The following DCAF6 variants were observed in gnomAD, a reference collection of about 807,000 sequenced individuals.
DCAF6 encodes the protein DDB1 and CUL4 associated factor 6.
Under a neutral mutation model 125.1 loss-of-function variants are expected in DCAF6, and 54 were observed. The ratio of observed to expected loss-of-function variants is 0.43; its 90% confidence interval spans 0.35 to 0.54. The LOEUF (loss-of-function observed/expected upper bound fraction) is 0.54, where lower values mean the gene tolerates loss of function less well. Among genes scored for constraint, DCAF6 ranks in the 20% least tolerant of loss-of-function variants. DCAF6 has a pLI of 0.01. For synonymous variants in DCAF6, 371 were observed against 390.4 expected (o/e 0.95, Z 0.58); for missense variants, 934 against 1,161.7 (o/e 0.80, Z 2.85).
At position 167,974,937 on chromosome 1, in the gene DCAF6, AT is replaced by A; in HGVS notation, c.364del (p.Tyr122IlefsTer27). 6.2e-7 allele frequency: 1 copy of A among 1,609,956 alleles called. No individual in the cohort carries two copies. Among genetic ancestry groups the A allele is most frequent in the Non-Finnish European group, 8.5e-7 (1 of 1,178,076 alleles). On this transcript the variant is annotated frameshift_variant, in exon 4 of 22. Coordinates refer to ENST00000367840, the MANE Select transcript of DCAF6 (RefSeq NM_001198956.2). LOFTEE classifies it high-confidence loss of function. ...TATCCTGCTCTGGAGATGGAGTAATATTTTATACCAACGTTGAGCAAGATGC... is the reference window on the plus strand; with the variant it reads ...TATCCTGCTCTGGAGATGGAGTAATATTTATACCAACGTTGAGCAAGATGC... ...IVSCSGDGVI[F>X]YTNVEQDAET...
intron 10 of DCAF6, among the ~76,000 whole-genome samples, chr1:168,011,302 G>C (rs912565681): frequency 2.0e-5 from 3 of 151,840 alleles, no homozygotes; most frequent in Non-Finnish European, 4.4e-5. Context: ...TATTTTAGTG[G>C]AGATGGGATT....
chr1:168,004,351 A>T (rs1003984049), intron 9 of DCAF6, among the ~76,000 whole-genome samples, 182 bp from the exon 10 acceptor site: 4 of 152,150 alleles, frequency 2.6e-5, no homozygotes, highest in African/African-American at 9.7e-5. Context: ...TGTTGTAGAT[A>T]AGTTTTTATC....
At chr1:167,993,688 G>T (rs1681209905) in intron 7 of DCAF6, among the ~76,000 whole-genome samples, 1 of 152,110 alleles carries the variant, frequency 6.6e-6, no homozygotes, top group African/African-American at 2.4e-5. Flanking sequence ...GGCGGAGGTT[G>T]TGGTGAGCCG....
intron 12 of DCAF6, among the ~76,000 whole-genome samples, chr1:168,034,792 CAT>C (rs765027560): frequency 2.9e-4 from 44 of 152,182 alleles, no homozygotes; most frequent in Non-Finnish European, 5.6e-4. Context: ...TTTTAAGTAA[CAT>C]ATCTGTGCAT....
At chr1:168,025,879 C>A (rs535360191) in intron 12 of DCAF6, among the ~76,000 whole-genome samples, 1 of 152,198 alleles carries the variant, frequency 6.6e-6, no homozygotes, top group South Asian at 2.1e-4. Flanking sequence ...GCTTACAAAA[C>A]CTACATGACT....
chr1:167,984,754 CTTATTATTCTGTGTTCATTGCAA>C, intron 4 of DCAF6, among the ~76,000 whole-genome samples: 1 of 152,136 alleles, frequency 6.6e-6, no homozygotes, highest in East Asian at 1.9e-4. Context: ...GGGTATAAAT[CTTATTATTCTGTGTTCATTGCAA>C]AATTGGTTCA....
chr1:168,056,028 C>T, intron 17 of DCAF6: 2 of 1,596,472 alleles, frequency 1.3e-6, no homozygotes, highest in African/African-American at 1.4e-5. Flanking sequence ...GTTTACAAGT[C>T]CTGGATTTTC....
chr1:168,064,802 A>T (rs1189297753), intron 18 of DCAF6, among the ~76,000 whole-genome samples: 1 of 152,184 alleles, frequency 6.6e-6, no homozygotes, highest in East Asian at 1.9e-4. Flanking sequence ...AAATTTTTTA[A>T]AATCCTTGTT....
intron 16 of DCAF6, among the ~76,000 whole-genome samples, chr1:168,049,187 A>T (rs1225386450): frequency 6.6e-6 from 1 of 152,190 alleles, no homozygotes. Context: ...AAAGCAAAAC[A>T]AAGCAAAAAA....
In DCAF6 at chr1:168,001,676, T is replaced by C. The variant is rs2103068512; in HGVS notation, c.904-806T>C. 3.3e-5 allele frequency among the ~76,000 whole-genome samples: 5 copies of C among 152,244 alleles called. 1 individual carries two copies. The highest frequency in any genetic ancestry group is 3.3e-4 in the Admixed American group (5 of 15,282). ...TTAAAAATGATAAGAACCTTTAGCA[T>C]GCTGTGGCAAAGAGCCAAGAGAGAG... On this transcript the variant is annotated intron_variant, in intron 7 of 21. Transcript: ENST00000367840.
the DCAF6 span, among the ~76,000 whole-genome samples, chr1:167,891,246 C>T: frequency 6.6e-6 from 1 of 152,142 alleles, no homozygotes; most frequent in Non-Finnish European, 1.5e-5. Flanking sequence ...AGGCGTGAGC[C>T]ATCACGCTTG....
intron 13 of DCAF6, 164 bp from the exon 14 acceptor site, chr1:168,042,861 C>T: frequency 1.9e-6 from 1 of 519,014 alleles, no homozygotes. Flanking sequence ...TGATAGTCAT[C>T]TTGATTTGTT....
Position 168,004,782 on chromosome 1 carries a change from A to G in DCAF6, c.1367A>G (p.His456Arg), listed in dbSNP as rs1401216253. The G allele has an allele frequency of 1.2e-6, 2 of 1,613,866 alleles. No individual in the cohort carries two copies. Among genetic ancestry groups the G allele is most frequent in the Admixed American group, 1.7e-5 (1 of 59,988 alleles). ...QSVEASGHHT[H>R]HQSEFLRGPE... ...GTTGAGGCATCTGGACACCACACAC[A>G]TCATCAGTCTGGTGAGGATAAGTAT... The change falls in exon 10 of 22, where the codon CAT becomes CGT. Residue 456 changes from histidine to arginine, a missense_variant. His to Arg is a conservative substitution (Grantham distance 29). Around this residue, in one of 5 missense-constraint regions of DCAF6, gnomAD observed 559 missense variants for 635.5 expected, o/e 0.88. Transcript: ENST00000367840.
chr1:167,903,072 T>C, the DCAF6 span, among the ~76,000 whole-genome samples: 2 of 151,618 alleles, frequency 1.3e-5, no homozygotes, highest in African/African-American at 4.9e-5. Flanking sequence ...CTGGCCAACA[T>C]GGTAAAACCC....
At chr1:168,013,897 G>A (rs1684622133) in intron 10 of DCAF6, among the ~76,000 whole-genome samples, 1 of 151,926 alleles carries the variant, frequency 6.6e-6, no homozygotes, top group African/African-American at 2.4e-5. Context: ...GCATCACCAT[G>A]CCTGGCTAAT....
chr1:168,049,646 ATTTTTTTTTTTTT>A (rs756012977), intron 16 of DCAF6, among the ~76,000 whole-genome samples: 6 of 90,302 alleles, frequency 6.6e-5, no homozygotes, highest in South Asian at 6.6e-4. Flanking sequence ...TCTGCATATA[ATTTTTTTTTTTTT>A]TTTTTTTTTT....
At chr1:167,902,202 C>CA in the DCAF6 span, 1 of 818,068 alleles carries the variant, frequency 1.2e-6, no homozygotes, top group Admixed American at 2.3e-5. Flanking sequence ...CCAGACAAGC[C>CA]ACTTAACCCA....
At chr1:168,066,490 T>C in intron 20 of DCAF6, 25 bp downstream of exon 20, 3 of 1,422,538 alleles carry the variant, frequency 2.1e-6, no homozygotes, top group Non-Finnish European at 2.9e-6. Context: ...GTACTTACTA[T>C]AGACCATATT....
intron 2 of DCAF6, among the ~76,000 whole-genome samples, chr1:167,964,229 G>C (rs190855442): frequency 4.5e-4 from 69 of 152,190 alleles, no homozygotes; most frequent in Non-Finnish European, 7.9e-4. Context: ...TTGCAAAGTA[G>C]GTCTGCTGGC....
Sources: gnomAD v4.1 joint callset for allele counts (sites outside exome capture counted in the v4.1 genomes callset) on GRCh38, gnomAD v4.1.1 for gene constraint, gnomAD v4.1.1 regional missense constraint, MANE v1.5 for transcripts, NCBI Gene and HGNC (gene_info 2026-07-23, HGNC 2026-07-21) for gene names.